ARMC2: variants seen among roughly 807,000 people sequenced by gnomAD.
The protein encoded by ARMC2 is armadillo repeat-containing protein 2.
In ARMC2, 67 loss-of-function variants were observed where a neutral mutation model predicts 90.3. The ratio of observed to expected loss-of-function variants is 0.74; its 90% CI spans 0.61 to 0.91. The LOEUF is 0.91. ARMC2 is among the 40% of genes least tolerant of loss of function. ARMC2 has a pLI of 0.00. For missense variants in ARMC2, 920 were observed against 1,030.9 expected, an observed-to-expected ratio of 0.89 and a Z score of 1.47; for synonymous variants, 393 against 393.0, an observed-to-expected ratio of 1.00 and a Z score of 0.00.
the ARMC2 span, among the ~76,000 whole-genome samples, chr6:108,986,229 G>A: frequency 6.6e-6 from 1 of 152,132 alleles, no homozygotes. Context: ...AAGAGAGCAG[G>A]CATAGGGCCA....
chr6:108,994,832 A>G, the ARMC2 span, among the ~76,000 whole-genome samples: 2 of 150,968 alleles, frequency 1.3e-5, no homozygotes, highest in Non-Finnish European at 2.9e-5. Flanking sequence ...CCTCCCGAGT[A>G]GCTGGGACTA....
intron 17 of ARMC2, 86 bp downstream of exon 17, chr6:108,965,226 T>A: frequency 8.1e-7 from 1 of 1,227,130 alleles, no homozygotes; most frequent in Non-Finnish European, 1.1e-6. Context: ...TAAATATTAG[T>A]ATGCATTTAG....
intron 5 of ARMC2, among the ~76,000 whole-genome samples, chr6:108,890,000 A>G (rs1376686504): frequency 2.0e-5 from 3 of 149,186 alleles, no homozygotes; most frequent in Non-Finnish European, 4.5e-5. Flanking sequence ...CATCCCGGCT[A>G]AAACGGTGAA....
the ARMC2 span, among the ~76,000 whole-genome samples, chr6:109,040,913 A>G: frequency 6.6e-6 from 1 of 151,974 alleles, no homozygotes; most frequent in Admixed American, 6.6e-5. Flanking sequence ...CAGCCTCCCA[A>G]AGTGCTGGGA....
At position 108,964,279 on chromosome 6, in the gene ARMC2, G is replaced by C. The variant is rs377734728; in HGVS notation, c.2252G>C (p.Arg751Pro). The C allele has an allele frequency of 1.4e-5, 23 of 1,613,942 alleles. No individual in the cohort carries two copies. Among genetic ancestry groups the C allele is most frequent in the Non-Finnish European group, 1.9e-5 (23 of 1,179,876 alleles). ...LLNLTVDKDK[R>P]VILKEGGGIK... is the part of the protein sequence containing the mutation. ...AATCTCACTGTGGATAAAGACAAGC[G>C]TGTCATCTTGAAAGAAGGAGGTGGC... The change falls in exon 16 of 18, where the codon CGT (arginine) becomes CCT (proline). Residue 751 changes from arginine to proline, a missense_variant. Coordinates refer to ENST00000392644, the MANE Select transcript of ARMC2 (RefSeq NM_032131.6).
chr6:108,925,126 C>T (rs1250681248), intron 10 of ARMC2, among the ~76,000 whole-genome samples: 1 of 152,072 alleles, frequency 6.6e-6, no homozygotes, highest in Non-Finnish European at 1.5e-5. Flanking sequence ...TTTGTTAACA[C>T]GGAAGAGGAA....
the ARMC2 span, chr6:109,001,569 AG>A: frequency 8.4e-7 from 1 of 1,196,054 alleles, no homozygotes; most frequent in African/African-American, 1.5e-5. Context: ...CTACACTCTA[AG>A]TATCATTTAG....
the ARMC2 span, chr6:108,987,692 G>A: frequency 9.1e-6 from 8 of 881,898 alleles, no homozygotes; most frequent in East Asian, 2.4e-5. Flanking sequence ...CAGTTTTTCA[G>A]TGAATCTAAT....
chr6:109,002,321 C>G, the ARMC2 span: 2 of 1,613,202 alleles, frequency 1.2e-6, no homozygotes, highest in Non-Finnish European at 1.7e-6. Context: ...TCCTAGTGGT[C>G]GAGGAATTCT....
chr6:108,857,939 A>T (rs182708795), intron 2 of ARMC2, among the ~76,000 whole-genome samples: 7 of 152,350 alleles, frequency 4.6e-5, no homozygotes, highest in African/African-American at 1.4e-4. Context: ...AGCTTTATAA[A>T]GTGATATGAA....
At chr6:108,915,662 G>T (rs1465832287) in intron 10 of ARMC2, among the ~76,000 whole-genome samples, 1 of 152,186 alleles carries the variant, frequency 6.6e-6, no homozygotes, top group Non-Finnish European at 1.5e-5. Flanking sequence ...AATAAATAAG[G>T]TGTGTTTGGG....
At chr6:108,866,009 C>A (rs1775777624) in intron 3 of ARMC2, among the ~76,000 whole-genome samples, 1 of 145,988 alleles carries the variant, frequency 6.8e-6, no homozygotes, top group Non-Finnish European at 1.5e-5. Flanking sequence ...AGAATGAGAC[C>A]CTGTCTTAAA....
chr6:108,975,770 T>C (rs917900090), downstream of ARMC2, among the ~76,000 whole-genome samples: 5 of 152,258 alleles, frequency 3.3e-5, no homozygotes, highest in Admixed American at 3.3e-4. Flanking sequence ...ATGAGCTTTT[T>C]TTCATGTTTG....
At chr6:108,855,732 T>G (rs1355639771) in intron 2 of ARMC2, among the ~76,000 whole-genome samples, 1 of 152,232 alleles carries the variant, frequency 6.6e-6, no homozygotes, top group Admixed American at 6.5e-5. Flanking sequence ...ATTGACATTG[T>G]CAGTGTTCTA....
chr6:109,009,770 G>C, the ARMC2 span, among the ~76,000 whole-genome samples: 2 of 152,108 alleles, frequency 1.3e-5, no homozygotes, highest in Non-Finnish European at 2.9e-5. Context: ...TCTCAGGTAC[G>C]GAATGGGCTC....
intron 8 of ARMC2, among the ~76,000 whole-genome samples, chr6:108,907,458 CTTTTTTTTTT>C (rs759986578): frequency 9.6e-6 from 1 of 104,454 alleles, no homozygotes; most frequent in African/African-American, 3.4e-5. Context: ...TTCTTTCTTT[CTTTTTTTTTT>C]TTTTTTTTTA....
At chr6:108,969,918 C>T (rs1054972758) in intron 17 of ARMC2, among the ~76,000 whole-genome samples, 2 of 152,046 alleles carry the variant, frequency 1.3e-5, no homozygotes, top group Non-Finnish European at 2.9e-5. Context: ...GTTTTGTAGT[C>T]TTAGCCACTC....
the ARMC2 span, among the ~76,000 whole-genome samples, chr6:109,041,102 A>G: frequency 5.9e-5 from 9 of 151,350 alleles, no homozygotes; most frequent in Non-Finnish European, 7.4e-5. Context: ...GGAGTTTGAG[A>G]TCAGCCTGGG....
Position 108,943,919 on chromosome 6 carries a change from T to G in ARMC2, c.1596+6920T>G, listed in dbSNP as rs191570819. On this transcript the variant is annotated intron_variant, in intron 12 of 17. Transcript: ENST00000392644. Reference sequence around the variant, plus strand: ...AGTTTAATTAAAAATTTTTTTAAATTAAAAATAGAAATACAGGTGCTCAGG... The same window carrying G: ...AGTTTAATTAAAAATTTTTTTAAATGAAAAATAGAAATACAGGTGCTCAGG... 6.6e-5 allele frequency among the ~76,000 whole-genome samples: 10 copies of G among 152,326 alleles called. No homozygotes were observed. The East Asian group carries it at 1.9e-3, about 29-fold the overall frequency.
Sources: allele counts gnomAD v4.1 joint callset (sites outside exome capture counted in the v4.1 genomes callset), GRCh38; gene constraint gnomAD v4.1.1; transcripts MANE v1.5; gene names NCBI Gene and HGNC (gene_info 2026-07-23, HGNC 2026-07-21).